Variants in MYH15 observed in about 807,000 individuals in gnomAD.
MYH15 encodes myosin-15.
Under a neutral mutation model 240.5 loss-of-function variants are expected in MYH15, and 227 were observed. That is an observed-to-expected ratio of 0.94 (90% CI 0.85 to 1.05). MYH15 has a LOEUF of 1.05. Among genes scored for constraint, MYH15 ranks in the 50% least tolerant of loss-of-function variants. The pLI, the probability that MYH15 is intolerant of heterozygous loss-of-function variation, is 0.00. For missense variants in MYH15, 2,217 were observed against 2,247.5 expected (o/e 0.99, Z 0.27); for synonymous variants, 785 against 796.7 (o/e 0.99, Z 0.25).
At chr3:108,417,796 T>TAC (rs34957697) in intron 28 of MYH15, among the ~76,000 whole-genome samples, 33 of 147,044 alleles carry the variant, frequency 2.2e-4, no homozygotes, top group East Asian at 1.4e-3. Flanking sequence ...TATATATATA[T>TAC]ACACACACAC....
chr3:108,485,894 C>A (rs536264873), intron 10 of MYH15, among the ~76,000 whole-genome samples: 142 of 152,242 alleles, frequency 9.3e-4, no homozygotes, highest in Non-Finnish European at 1.2e-3. Context: ...GAGATATTCA[C>A]CTCAGTGGGA....
intron 16 of MYH15, among the ~76,000 whole-genome samples, 188 bp downstream of exon 16, chr3:108,462,923 T>C (rs2083083378): frequency 6.6e-6 from 1 of 152,112 alleles, no homozygotes; most frequent in Non-Finnish European, 1.5e-5. Context: ...TGAATCTATC[T>C]TAGAGCACTA....
At position 108,501,760 on chromosome 3, in the gene MYH15, T is replaced by C. The variant is rs1489895393; in HGVS notation, c.291A>G (p.Ala97=). 1.9e-6 allele frequency: 3 copies of C among 1,614,030 alleles called. No individual in the cohort carries two copies. The African/African-American group carries it at 4.0e-5, about 22-fold the overall frequency. Residue 97 remains alanine, a synonymous_variant, in exon 3 of 41, where the codon GCA becomes GCG. Coordinates refer to ENST00000693548, the MANE Select transcript of MYH15 (RefSeq NM_014981.3). ...GCCGCTTCAGGGTATGCAGCACGGA[T>C]GCCTCATTGAGGTGAGTCAGCATTG... ...DMAMLTHLNE[A]SVLHTLKRRY...
intron 8 of MYH15, among the ~76,000 whole-genome samples, chr3:108,492,831 G>C (rs1349090610): frequency 6.6e-6 from 1 of 152,024 alleles, no homozygotes; most frequent in Admixed American, 6.6e-5. Context: ...CATGCCTGTA[G>C]CTGCAGCTAC....
intron 12 of MYH15, among the ~76,000 whole-genome samples, chr3:108,471,899 G>A (rs1322728853): frequency 6.6e-6 from 1 of 152,216 alleles, no homozygotes; most frequent in African/African-American, 2.4e-5. Flanking sequence ...TTCTGCCACT[G>A]CTGTAGCTGC....
chr3:108,536,948 T>C, the MYH15 span, among the ~76,000 whole-genome samples: 1 of 151,670 alleles, frequency 6.6e-6, no homozygotes, highest in South Asian at 2.1e-4. Flanking sequence ...TATTTCTAAG[T>C]GAAACATATT....
chr3:108,539,425 C>G, the MYH15 span, among the ~76,000 whole-genome samples: 10 of 152,130 alleles, frequency 6.6e-5, no homozygotes, highest in African/African-American at 2.2e-4. Context: ...GTGTTGTGCA[C>G]TTTTCTACAT....
intron 30 of MYH15, 96 bp from the exon 31 acceptor site, chr3:108,411,028 G>T: frequency 2.0e-6 from 2 of 1,018,234 alleles, no homozygotes; most frequent in Non-Finnish European, 2.9e-6. Flanking sequence ...TGGGTGCAAA[G>T]TAAGATGGCG....
chr3:108,466,493 C>A (rs1270204077), intron 14 of MYH15, among the ~76,000 whole-genome samples: 1 of 152,154 alleles, frequency 6.6e-6, no homozygotes, highest in East Asian at 1.9e-4. Context: ...TGTGCCTTGA[C>A]ATCTGGGAAA....
intron 16 of MYH15, 78 bp from the exon 17 acceptor site, chr3:108,460,445 G>T: frequency 8.8e-7 from 1 of 1,139,234 alleles, no homozygotes; most frequent in Non-Finnish European, 1.2e-6. Context: ...CCCACTGATG[G>T]AAGCATAAAT....
At chr3:108,408,431 G>C (rs1405674523) in intron 31 of MYH15, 27 bp from the exon 32 acceptor site, 7 of 1,592,448 alleles carry the variant, frequency 4.4e-6, no homozygotes, top group South Asian at 1.1e-5. Flanking sequence ...GAAAAACAAA[G>C]TTAGTGAATG....
At chr3:108,450,730 G>C (rs2082965449) in intron 21 of MYH15, among the ~76,000 whole-genome samples, 1 of 152,136 alleles carries the variant, frequency 6.6e-6, no homozygotes, top group Admixed American at 6.5e-5. Context: ...AACTTTGTAA[G>C]GTGATGATTA....
At chr3:108,510,891 T>C (rs749175019), upstream of MYH15, among the ~76,000 whole-genome samples, 5 of 152,162 alleles carry the variant, frequency 3.3e-5, no homozygotes, top group Admixed American at 6.5e-5. Flanking sequence ...AAAAGTAATA[T>C]GAATGATACA....
intron 35 of MYH15, among the ~76,000 whole-genome samples, chr3:108,394,871 G>C (rs2082448050): frequency 6.6e-6 from 1 of 152,186 alleles, no homozygotes; most frequent in Non-Finnish European, 1.5e-5. Context: ...AAAAGGCATA[G>C]GCTTTCTATT....
intron 27 of MYH15, among the ~76,000 whole-genome samples, chr3:108,425,151 A>G (rs1366012009): frequency 2.0e-5 from 3 of 152,226 alleles, no homozygotes; most frequent in African/African-American, 4.8e-5. Context: ...AGCATTCCAA[A>G]GAGAATAATT....
intron 37 of MYH15, among the ~76,000 whole-genome samples, chr3:108,391,470 CTTGGAGTGAG>C (rs1372073182): frequency 6.6e-5 from 10 of 152,084 alleles, no homozygotes; most frequent in Admixed American, 5.9e-4. Flanking sequence ...ACCAGGTAGC[CTTGGAGTGAG>C]AGCCTGGAGC....
intron 40 of MYH15, among the ~76,000 whole-genome samples, chr3:108,382,100 T>G (rs534859867): frequency 6.6e-6 from 1 of 152,324 alleles, no homozygotes; most frequent in East Asian, 1.9e-4. Context: ...TGAAGGCCCT[T>G]CAACCTCCTG....
the MYH15 span, among the ~76,000 whole-genome samples, chr3:108,547,576 A>C: frequency 1.3e-5 from 2 of 152,186 alleles, no homozygotes; most frequent in African/African-American, 4.8e-5. Context: ...TTATTTTCTT[A>C]AACTACAGAA....
intron 18 of MYH15, among the ~76,000 whole-genome samples, chr3:108,458,546 T>C (rs2083043376): frequency 6.6e-6 from 1 of 152,032 alleles, no homozygotes; most frequent in Non-Finnish European, 1.5e-5. Flanking sequence ...ACCAGCAACA[T>C]CTGGCTATGT....
Sources: allele counts gnomAD v4.1 joint callset (sites outside exome capture counted in the v4.1 genomes callset), GRCh38; gene constraint gnomAD v4.1.1; transcripts MANE v1.5; gene names NCBI Gene and HGNC (gene_info 2026-07-23, HGNC 2026-07-21).